PCDH15: variants seen among roughly 807,000 people sequenced by gnomAD.
PCDH15 encodes protocadherin related 15, also known as protocadherin-15.
Under a neutral mutation model 178.5 loss-of-function variants are expected in PCDH15, and 129 were observed. The observed-to-expected ratio is 0.72, with a 90% confidence interval of 0.63 to 0.84. The LOEUF (loss-of-function observed/expected upper bound fraction) is 0.84. Ranked by LOEUF, PCDH15 falls within the 40% of genes least tolerant of loss-of-function variation. The probability of loss-of-function intolerance (pLI) is 0.00; values close to 1 mark genes in which losing one functional copy is unlikely to be tolerated. For synonymous variants in PCDH15, 800 were observed against 732.0 expected, an observed-to-expected ratio of 1.09 and a Z score of -1.50; for missense variants, 2,230 against 2,099.9, an observed-to-expected ratio of 1.06 and a Z score of -1.21.
intron 2 of PCDH15, among the ~76,000 whole-genome samples, chr10:55,427,691 T>C (rs899134090): frequency 1.3e-5 from 2 of 152,192 alleles, no homozygotes; most frequent in African/African-American, 2.4e-5. Context: ...TTGCTAAATG[T>C]TTAGTTTGCC....
chr10:54,293,303 T>C lies in PCDH15; in HGVS notation c.876+23968A>G, dbSNP rs983832516. Among the ~76,000 whole-genome samples, 9 of 152,256 alleles carry C rather than the reference T, an allele frequency of 5.9e-5. No individual in the cohort carries two copies. In the East Asian group the frequency reaches 1.4e-3, roughly 23 times the overall value. ...AACTGGATCCCTTCCTTACACCTTA[T>C]ACAAAAATTAATTCAAGATGGATTA... On this transcript the variant is annotated intron_variant, in intron 8 of 37. Coordinates refer to ENST00000644397, the MANE Select transcript of PCDH15 (RefSeq NM_001384140.1).
chr10:55,301,329 G>GT (rs558149556), intron 1 of PCDH15, among the ~76,000 whole-genome samples: 29 of 152,066 alleles, frequency 1.9e-4, no homozygotes, highest in Admixed American at 6.5e-4. Context: ...CCTCCTTATG[G>GT]TTTTCACTTG....
At chr10:55,306,370 C>G (rs921990594) in intron 1 of PCDH15, among the ~76,000 whole-genome samples, 15 of 152,318 alleles carry the variant, frequency 9.8e-5, no homozygotes, top group African/African-American at 3.6e-4. Flanking sequence ...TCCCCTTACA[C>G]AGTTCCTATC....
At chr10:54,407,338 T>A (rs1306902828) in intron 3 of PCDH15, among the ~76,000 whole-genome samples, 1 of 152,086 alleles carries the variant, frequency 6.6e-6, no homozygotes, top group African/African-American at 2.4e-5. Flanking sequence ...TTGGTATATT[T>A]CATTGATTTC....
rs538037687 is a variant in PCDH15 at position 55,061,786 on chromosome 10, C to T, written c.-80+104790G>A. ...CTGTAATCCCAGGACTTTGGGAGGC[C>T]GAGGAGTGGGGGATCACGAGGTCAA... On this transcript the variant is annotated intron_variant, in intron 2 of 5. Transcript: ENST00000458638. 3.3e-5 allele frequency among the ~76,000 whole-genome samples: 5 copies of T among 152,192 alleles called. No individual in the cohort carries two copies. In the East Asian group the frequency reaches 7.7e-4, roughly 24 times the overall value.
At chr10:54,090,384 T>A (rs774248868) in intron 15 of PCDH15, among the ~76,000 whole-genome samples, 2 of 152,230 alleles carry the variant, frequency 1.3e-5, no homozygotes, top group Non-Finnish European at 2.9e-5. Context: ...GGCTCAAGCC[T>A]GTAATCCTAG....
intron 3 of PCDH15, among the ~76,000 whole-genome samples, chr10:54,829,363 A>G (rs1286408467): frequency 6.6e-6 from 1 of 151,960 alleles, no homozygotes; most frequent in African/African-American, 2.4e-5. Flanking sequence ...TAATAATAAT[A>G]TCAACAAAAA....
intron 8 of PCDH15, among the ~76,000 whole-genome samples, chr10:54,300,744 A>G (rs186856971): frequency 1.3e-5 from 2 of 152,250 alleles, no homozygotes; most frequent in East Asian, 3.9e-4. Context: ...AAACACACCA[A>G]TCAGCACTTG....
chr10:55,444,103 G>A (rs1000596231), intron 2 of PCDH15, among the ~76,000 whole-genome samples: 1 of 151,442 alleles, frequency 6.6e-6, no homozygotes, highest in African/African-American at 2.4e-5. Flanking sequence ...ATGGGCACAG[G>A]GAGAGGAACA....
chr10:54,253,299 G>GT (rs1251168251), intron 8 of PCDH15, among the ~76,000 whole-genome samples: 1 of 151,962 alleles, frequency 6.6e-6, no homozygotes, highest in South Asian at 2.1e-4. Context: ...TTTTCCTACA[G>GT]TTTTTTTGGG....
At chr10:54,286,349 T>G (rs1244622454) in intron 8 of PCDH15, among the ~76,000 whole-genome samples, 1 of 152,134 alleles carries the variant, frequency 6.6e-6, no homozygotes, top group Non-Finnish European at 1.5e-5. Context: ...AAAACAAAAT[T>G]TTTAAAAGTT....
intron 3 of PCDH15, among the ~76,000 whole-genome samples, chr10:54,829,671 C>T (rs1953189893): frequency 6.6e-6 from 1 of 151,992 alleles, no homozygotes; most frequent in African/African-American, 2.4e-5. Flanking sequence ...CTGTGCATTT[C>T]CTCACTAGGC....
intron 5 of PCDH15, among the ~76,000 whole-genome samples, chr10:54,365,289 T>C (rs1486784290): frequency 7.9e-5 from 12 of 152,110 alleles, no homozygotes; most frequent in Admixed American, 7.9e-4. Flanking sequence ...CTGTGAGGAC[T>C]AAATAAGATA....
chr10:54,761,613 G>A (rs1416605654), intron 1 of PCDH15, among the ~76,000 whole-genome samples: 1 of 151,838 alleles, frequency 6.6e-6, no homozygotes, highest in Non-Finnish European at 1.5e-5. Context: ...AACCTGGGAG[G>A]TGGAGGTTGC....
intron 28 of PCDH15, among the ~76,000 whole-genome samples, chr10:53,846,060 A>T (rs2077958867): frequency 1.3e-5 from 2 of 151,614 alleles, no homozygotes; most frequent in Non-Finnish European, 3.0e-5. Flanking sequence ...AAACAAAAAA[A>T]GAATTAAAAA....
chr10:54,081,082 C>T (rs561572057), intron 16 of PCDH15, among the ~76,000 whole-genome samples: 4 of 152,112 alleles, frequency 2.6e-5, no homozygotes, highest in Non-Finnish European at 4.4e-5. Context: ...TGTATATTTA[C>T]GATGAATTAC....
At chr10:54,591,996 C>T (rs929763454) in intron 2 of PCDH15, among the ~76,000 whole-genome samples, 8 of 152,010 alleles carry the variant, frequency 5.3e-5, no homozygotes, top group South Asian at 4.1e-4. Context: ...TTTTCAATGA[C>T]AATCAATGTT....
In PCDH15 at chr10:54,597,405, C is replaced by A. The variant is rs556969386; in HGVS notation, c.91+66767G>T. Among the ~76,000 whole-genome samples, 6 of 152,054 alleles carry A rather than the reference C, an allele frequency of 3.9e-5. No homozygotes were observed. In the South Asian group the frequency reaches 1.2e-3, roughly 32 times the overall value. ...AGAAGTATTTTGAAATTAGTGAGAA[C>A]AAAGATATAATATACCAGAATCTCT... On this transcript the variant is annotated intron_variant, in intron 2 of 37. Coordinates refer to ENST00000644397, the MANE Select transcript of PCDH15 (RefSeq NM_001384140.1).
At chr10:54,992,757 G>GA (rs202240183) in intron 2 of PCDH15, among the ~76,000 whole-genome samples, 355 of 121,032 alleles carry the variant, frequency 2.9e-3, no homozygotes, top group Middle Eastern at 9.2e-3. Flanking sequence ...TCCATCTCAA[G>GA]AAAAAAAAAA....
Sources: gnomAD v4.1 joint callset for allele counts (sites outside exome capture counted in the v4.1 genomes callset) on GRCh38, gnomAD v4.1.1 for gene constraint, MANE v1.5 for transcripts, NCBI Gene and HGNC (gene_info 2026-07-23, HGNC 2026-07-21) for gene names.